The following GABRG3 variants were observed in gnomAD, a reference collection of about 807,000 sequenced individuals.
GABRG3 encodes gamma-aminobutyric acid type A receptor subunit gamma3.
Under a neutral mutation model 48.8 loss-of-function variants are expected in GABRG3, and 25 were observed. The observed-to-expected ratio is 0.51, with a 90% CI of 0.37 to 0.72. The LOEUF (loss-of-function observed/expected upper bound fraction) is 0.72. GABRG3 is among the 30% of genes least tolerant of loss of function. The pLI, the probability that GABRG3 is intolerant of heterozygous loss-of-function variation, is 0.00. For missense variants in GABRG3, 394 were observed against 577.9 expected (o/e 0.68, Z 3.26); for synonymous variants, 227 against 217.6 (o/e 1.04, Z -0.38).
At chr15:27,001,892 T>TTTTTTTTTTTG (rs1895455532) in intron 2 of GABRG3, among the ~76,000 whole-genome samples, 2 of 150,262 alleles carry the variant, frequency 1.3e-5, no homozygotes, top group Non-Finnish European at 3.0e-5. Flanking sequence ...AACTCAGTTT[T>TTTTTTTTTTTG]TTTTTTTTTT....
At chr15:27,214,144 G>A (rs1889163478) in intron 3 of GABRG3, among the ~76,000 whole-genome samples, 1 of 152,184 alleles carries the variant, frequency 6.6e-6, no homozygotes. Context: ...TGGGCTCAAT[G>A]TCAGGATTCA....
At position 27,179,106 on chromosome 15, in the gene GABRG3, C is replaced by T. The variant is rs985852504; in HGVS notation, c.271-147703C>T. Among the ~76,000 whole-genome samples the T allele has an allele frequency of 3.3e-5, 5 of 152,122 alleles. No individual in the cohort carries two copies. The highest frequency in any genetic ancestry group is 6.6e-5 in the Admixed American group (1 of 15,260). ...TTCATTTTGGGTTATAGTTTTCTAT[C>T]CCCAATAAAACAAATAAACAAAGAA... On this transcript the variant is annotated intron_variant, in intron 3 of 9. Transcript: ENST00000615808. This position sits in a 1 kb window ranked among gnomAD's most constrained non-coding sequence, Gnocchi z 4.0.
chr15:27,451,678 A>G (rs1329557589), intron 5 of GABRG3, among the ~76,000 whole-genome samples: 1 of 152,214 alleles, frequency 6.6e-6, no homozygotes, highest in South Asian at 2.1e-4. Flanking sequence ...AAAAGCAACT[A>G]TAAACAACTG....
At chr15:27,327,525 G>A (rs569066994) in intron 4 of GABRG3, among the ~76,000 whole-genome samples, 35 of 152,246 alleles carry the variant, frequency 2.3e-4, no homozygotes, top group South Asian at 4.1e-4. Context: ...GAACTGACTC[G>A]CCCACAGTCA....
chr15:27,045,705 C>T (rs2140704324), intron 3 of GABRG3, among the ~76,000 whole-genome samples: 1 of 152,274 alleles, frequency 6.6e-6, no homozygotes, highest in Non-Finnish European at 1.5e-5. Context: ...CAATGTGCGC[C>T]AGTTTGCACA....
At chr15:27,002,739 T>C (rs183817235) in intron 2 of GABRG3, among the ~76,000 whole-genome samples, 1 of 37,552 alleles carries the variant, frequency 2.7e-5, no homozygotes, top group African/African-American at 1.1e-4. Flanking sequence ...TGAGACCGTG[T>C]CTCTCAAAAA....
chr15:27,341,018 C>T, intron 5 of GABRG3: 2 of 508,474 alleles, frequency 3.9e-6, no homozygotes, highest in Non-Finnish European at 7.9e-6. Flanking sequence ...GAACACTGTG[C>T]TGAGAAATAA....
At chr15:27,222,667 G>A (rs6606889) in intron 3 of GABRG3, among the ~76,000 whole-genome samples, 32,195 of 152,080 alleles carry the variant, frequency 0.21, 5,167 homozygotes, top group African/African-American at 0.43. Flanking sequence ...GTGCCCATGA[G>A]TGTGATTAAG....
intron 3 of GABRG3, among the ~76,000 whole-genome samples, chr15:27,263,056 A>G (rs1420816099): frequency 2.0e-5 from 3 of 152,174 alleles, no homozygotes; most frequent in Non-Finnish European, 2.9e-5. Flanking sequence ...TGGAAAGGGA[A>G]CCATCAAAAC....
intron 2 of GABRG3, among the ~76,000 whole-genome samples, chr15:27,020,060 G>A (rs546185736): frequency 2.0e-5 from 3 of 152,146 alleles, no homozygotes; most frequent in Middle Eastern, 6.8e-3. Flanking sequence ...TAACAGCCCG[G>A]CCCTCCACTC....
At chr15:27,081,554 C>T (rs4887554) in intron 3 of GABRG3, among the ~76,000 whole-genome samples, 29,304 of 152,008 alleles carry the variant, frequency 0.19, 2,883 homozygotes, top group Middle Eastern at 0.25. Flanking sequence ...ACAGCTATGT[C>T]TTATCAATGT....
chr15:27,500,130 G>A (rs1890583851), intron 6 of GABRG3, among the ~76,000 whole-genome samples: 1 of 152,168 alleles, frequency 6.6e-6, no homozygotes, highest in Non-Finnish European at 1.5e-5. Context: ...TGGGCAGAGA[G>A]TGACCAGGAA....
chr15:27,471,860 G>A (rs1889797651), intron 5 of GABRG3, among the ~76,000 whole-genome samples: 1 of 152,140 alleles, frequency 6.6e-6, no homozygotes, highest in Non-Finnish European at 1.5e-5. Flanking sequence ...TAGGTTTAGT[G>A]TAGAGTTTTA....
At chr15:27,004,356 C>G (rs958431776) in intron 2 of GABRG3, among the ~76,000 whole-genome samples, 1 of 151,364 alleles carries the variant, frequency 6.6e-6, no homozygotes. Flanking sequence ...AATGGGCGGC[C>G]GGGCAGAGAC....
At chr15:27,160,749 T>A (rs572017269) in intron 3 of GABRG3, among the ~76,000 whole-genome samples, 1 of 152,186 alleles carries the variant, frequency 6.6e-6, no homozygotes, top group Admixed American at 6.5e-5. Context: ...TTGGAGTACA[T>A]CATTCATGAT....
At chr15:27,026,912 C>A in intron 3 of GABRG3, 91 bp downstream of exon 3, 1 of 863,964 alleles carries the variant, frequency 1.2e-6, no homozygotes, top group Admixed American at 3.2e-5. Flanking sequence ...ATTTATCATG[C>A]CGGTTTAAAA....
chr15:27,171,641 T>C (rs1887577401), intron 3 of GABRG3, among the ~76,000 whole-genome samples: 1 of 152,012 alleles, frequency 6.6e-6, no homozygotes, highest in Non-Finnish European at 1.5e-5. Flanking sequence ...TTCCTTTTCT[T>C]GCTACCTGAC....
chr15:27,304,897 C>CT (rs1228003213), intron 3 of GABRG3, among the ~76,000 whole-genome samples: 4 of 151,936 alleles, frequency 2.6e-5, no homozygotes, highest in Admixed American at 6.6e-5. Context: ...ATACTGGAAC[C>CT]TGACAAGGTG....
Position 27,336,198 on chromosome 15 carries a change from GAAAGAAAGAA to G in GABRG3, c.574+7312_574+7321del, listed in dbSNP as rs141814322. On this transcript the variant is annotated intron_variant, in intron 5 of 9. Transcript: ENST00000615808. Reference sequence around the variant, plus strand: ...GAGCAAGAGTCAGTATGAAAAGAAAGAAAGAAAGAAAGAGAGAGAGAGAGAGAGAGAGAGA... The same window carrying G: ...GAGCAAGAGTCAGTATGAAAAGAAAGAGAGAGAGAGAGAGAGAGAGAGAGA... Among the ~76,000 whole-genome samples, 451 of 130,008 alleles carry G rather than the reference GAAAGAAAGAA, an allele frequency of 3.5e-3. 4 individuals are homozygous for G. Among genetic ancestry groups the G allele is most frequent in the African/African-American group, 0.014 (427 of 31,316 alleles). 85.3% of individuals were successfully genotyped at this position (130,008 alleles called of 152,430 possible).
Sources: gnomAD v4.1 joint callset for allele counts (sites outside exome capture counted in the v4.1 genomes callset) on GRCh38, gnomAD v4.1.1 for gene constraint, Gnocchi (gnomAD v3.1) non-coding constraint, MANE v1.5 for transcripts, NCBI Gene and HGNC (gene_info 2026-07-23, HGNC 2026-07-21) for gene names.